The following ARHGAP24 variants were observed in gnomAD, a reference collection of about 807,000 sequenced individuals.
The protein encoded by ARHGAP24 is rho GTPase-activating protein 24.
In ARHGAP24, 50 loss-of-function variants were observed where a neutral mutation model predicts 76.4. The observed-to-expected ratio is 0.65, with a 90% CI of 0.52 to 0.83. The LOEUF (loss-of-function observed/expected upper bound fraction) is 0.83, where lower values mean the gene tolerates loss of function less well. Ranked by LOEUF, ARHGAP24 falls within the 40% of genes least tolerant of loss-of-function variation. ARHGAP24 has a pLI of 0.00. For synonymous variants in ARHGAP24, 345 were observed against 323.3 expected (o/e 1.07, Z -0.72); for missense variants, 930 against 914.2 (o/e 1.02, Z -0.22).
chr4:85,816,957 T>C (rs1729265856), intron 3 of ARHGAP24, among the ~76,000 whole-genome samples: 1 of 152,216 alleles, frequency 6.6e-6, no homozygotes, highest in African/African-American at 2.4e-5. Context: ...ATAGACATTC[T>C]AATATGTGTG....
rs1432503757 is a variant in ARHGAP24 at position 85,603,804 on chromosome 4, T to C, written c.180+33083T>C. On this transcript the variant is annotated intron_variant, in intron 2 of 9. Transcript: ENST00000395184. Reference sequence around the variant, plus strand: ...GGTTCATTAATGTGTCTGCACAAAGTCAGGTAATTAGGTTACTGAAGGATG... The same window carrying C: ...GGTTCATTAATGTGTCTGCACAAAGCCAGGTAATTAGGTTACTGAAGGATG... 1.3e-5 allele frequency among the ~76,000 whole-genome samples: 2 copies of C among 152,304 alleles called. 1 individual carries two copies. Among genetic ancestry groups the C allele is most frequent in the Admixed American group, 1.3e-4 (2 of 15,302 alleles).
At chr4:85,724,901 G>T (rs1253392163) in intron 3 of ARHGAP24, among the ~76,000 whole-genome samples, 1 of 152,104 alleles carries the variant, frequency 6.6e-6, no homozygotes, top group Non-Finnish European at 1.5e-5. Context: ...TTCTCTTTCA[G>T]ACATGCCAAA....
chr4:85,547,924 A>T (rs532909756), intron 1 of ARHGAP24, among the ~76,000 whole-genome samples: 1 of 152,286 alleles, frequency 6.6e-6, no homozygotes, highest in Non-Finnish European at 1.5e-5. Context: ...ATTCCTTTCA[A>T]ATTGAATAAT....
At chr4:85,568,390 C>CAAAG (rs796450323) in intron 1 of ARHGAP24, among the ~76,000 whole-genome samples, 30 of 151,908 alleles carry the variant, frequency 2.0e-4, no homozygotes, top group African/African-American at 6.8e-4. Flanking sequence ...GGTGTTTGGT[C>CAAAG]AAAGAATAAA....
At chr4:85,566,904 G>C (rs983420125) in intron 1 of ARHGAP24, among the ~76,000 whole-genome samples, 16 of 152,140 alleles carry the variant, frequency 1.1e-4, no homozygotes, top group African/African-American at 3.9e-4. Flanking sequence ...AAAAGGAGTT[G>C]AGCATGAAAA....
intron 8 of ARHGAP24, among the ~76,000 whole-genome samples, chr4:85,980,467 C>T (rs973511736): frequency 1.3e-5 from 2 of 152,126 alleles, no homozygotes; most frequent in African/African-American, 2.4e-5. Context: ...CTCTATAACT[C>T]GTCACACACA....
chr4:85,996,466 A>T (rs910762630), intron 9 of ARHGAP24, among the ~76,000 whole-genome samples: 3 of 152,212 alleles, frequency 2.0e-5, no homozygotes, highest in African/African-American at 7.2e-5. Flanking sequence ...TGTGATTTGG[A>T]CAACCCTTCC....
chr4:85,724,491 GTATATATA>G (rs60930279), intron 3 of ARHGAP24, among the ~76,000 whole-genome samples: 34 of 10,716 alleles, frequency 3.2e-3, no homozygotes, highest in African/African-American at 4.0e-3. Flanking sequence ...TTCCATGTGT[GTATATATA>G]TATATATATA....
chr4:85,730,601 G>A (rs896078350), intron 3 of ARHGAP24, among the ~76,000 whole-genome samples: 1 of 151,930 alleles, frequency 6.6e-6, no homozygotes, highest in Non-Finnish European at 1.5e-5. Context: ...TAGAGATGAG[G>A]TCTCACTATG....
chr4:85,680,782 TATTATA>T (rs990550453), intron 2 of ARHGAP24, among the ~76,000 whole-genome samples: 16 of 148,522 alleles, frequency 1.1e-4, no homozygotes, highest in African/African-American at 2.2e-4. Flanking sequence ...ATATATATAA[TATTATA>T]ATTATAATTA....
At chr4:85,846,800 T>C (rs1349927405) in intron 3 of ARHGAP24, among the ~76,000 whole-genome samples, 2 of 152,238 alleles carry the variant, frequency 1.3e-5, no homozygotes, top group Non-Finnish European at 2.9e-5. Flanking sequence ...TTCTGACTTA[T>C]AGTTAAATAG....
chr4:85,686,438 C>G lies in ARHGAP24; in HGVS notation c.181-35447C>G, dbSNP rs150057975. Among the ~76,000 whole-genome samples, 912 of 152,224 alleles carry G rather than the reference C, an allele frequency of 6.0e-3. 8 individuals carry two copies. Among genetic ancestry groups the G allele is most frequent in the African/African-American group, 0.021 (855 of 41,552 alleles). ...CTCAAGAACTTTATTTGTATTCTTTCCAGGATAAATCATGACAAAGAGGTA... is the reference window on the plus strand; with the variant it reads ...CTCAAGAACTTTATTTGTATTCTTTGCAGGATAAATCATGACAAAGAGGTA... On this transcript the variant is annotated intron_variant, in intron 2 of 9. Transcript: ENST00000395184.
At chr4:85,850,893 T>G (rs1459426442) in intron 3 of ARHGAP24, among the ~76,000 whole-genome samples, 2 of 152,236 alleles carry the variant, frequency 1.3e-5, no homozygotes, top group Non-Finnish European at 2.9e-5. Context: ...TTGGAAGAAG[T>G]GCAATGTGAT....
At chr4:85,820,144 A>G (rs559877101) in intron 3 of ARHGAP24, among the ~76,000 whole-genome samples, 1 of 152,354 alleles carries the variant, frequency 6.6e-6, no homozygotes, top group South Asian at 2.1e-4. Flanking sequence ...GTATGTACCC[A>G]AAGGAATATA....
chr4:85,957,557 TGTTAA>T (rs1290894489), intron 5 of ARHGAP24, among the ~76,000 whole-genome samples: 3 of 152,260 alleles, frequency 2.0e-5, no homozygotes, highest in African/African-American at 7.2e-5. Flanking sequence ...TTAGTATTTC[TGTTAA>T]GTTATTTGAA....
intron 1 of ARHGAP24, among the ~76,000 whole-genome samples, chr4:85,498,960 A>T (rs1327150825): frequency 6.6e-6 from 1 of 152,176 alleles, no homozygotes; most frequent in East Asian, 1.9e-4. Flanking sequence ...GACAACTTAG[A>T]ATTTCACTGT....
chr4:85,680,115 G>T (rs1209688511), intron 2 of ARHGAP24, among the ~76,000 whole-genome samples: 1 of 152,148 alleles, frequency 6.6e-6, no homozygotes, highest in African/African-American at 2.4e-5. Flanking sequence ...CAACACCGCA[G>T]TTGATATCAT....
intron 2 of ARHGAP24, among the ~76,000 whole-genome samples, chr4:85,710,504 G>T (rs1724487186): frequency 6.6e-6 from 1 of 152,158 alleles, no homozygotes; most frequent in Non-Finnish European, 1.5e-5. Context: ...CACAGCAAAA[G>T]AAACTATCAA....
At chr4:85,907,838 A>T (rs1310380309) in intron 3 of ARHGAP24, among the ~76,000 whole-genome samples, 1 of 151,946 alleles carries the variant, frequency 6.6e-6, no homozygotes, top group African/African-American at 2.4e-5. Flanking sequence ...CCTTGCTGCT[A>T]CTCTTCCTGT....
Sources: gnomAD v4.1 joint callset for allele counts (sites outside exome capture counted in the v4.1 genomes callset) on GRCh38, gnomAD v4.1.1 for gene constraint, MANE v1.5 for transcripts, NCBI Gene and HGNC (gene_info 2026-07-23, HGNC 2026-07-21) for gene names.